Variants in SNTG1 observed in about 807,000 individuals in gnomAD.
The protein encoded by SNTG1 is gamma-1-syntrophin.
Under a neutral mutation model 74.7 loss-of-function variants are expected in SNTG1, and 39 were observed. The ratio of observed to expected loss-of-function variants is 0.52; its 90% confidence interval spans 0.40 to 0.68. The LOEUF is 0.68. SNTG1 is among the 30% of genes least tolerant of loss of function. The pLI is 0.00. For missense variants in SNTG1, 685 were observed against 609.5 expected (o/e 1.12, Z -1.30); for synonymous variants, 254 against 217.1 (o/e 1.17, Z -1.49).
intron 2 of SNTG1, among the ~76,000 whole-genome samples, chr8:50,259,513 AAAGAAAG>A (rs2087058943): frequency 2.0e-4 from 1 of 5,028 alleles, no homozygotes; most frequent in African/African-American, 2.3e-4. Flanking sequence ...AAAAAAAAAG[AAAGAAAG>A]AAAGAAAGAA....
chr8:50,251,876 T>C (rs2086661072), intron 2 of SNTG1, among the ~76,000 whole-genome samples: 1 of 152,104 alleles, frequency 6.6e-6, no homozygotes, highest in African/African-American at 2.4e-5. Context: ...AACACATATT[T>C]ACAGAACATT....
intron 1 of SNTG1, among the ~76,000 whole-genome samples, chr8:49,931,460 C>T (rs1225137709): frequency 6.6e-6 from 1 of 152,116 alleles, no homozygotes; most frequent in Non-Finnish European, 1.5e-5. Context: ...GGGTACAATG[C>T]TCACTATCTG....
chr8:50,450,781 T>G, intron 8 of SNTG1, 52 bp downstream of exon 8: 2 of 1,547,042 alleles, frequency 1.3e-6, no homozygotes, highest in Non-Finnish European at 1.8e-6. Flanking sequence ...CAAATAAGAA[T>G]TTAGTGCATT....
intron 1 of SNTG1, among the ~76,000 whole-genome samples, chr8:50,020,506 T>C (rs1585923796): frequency 6.6e-6 from 1 of 152,220 alleles, no homozygotes; most frequent in Admixed American, 6.6e-5. Flanking sequence ...AAAGTTTCAA[T>C]TGCATTCTCT....
At position 50,697,084 on chromosome 8, in the gene SNTG1, GT is replaced by G. The variant is rs529738536; in HGVS notation, c.1039-7512del. On this transcript the variant is annotated intron_variant, in intron 15 of 18. Coordinates refer to ENST00000642720, the MANE Select transcript of SNTG1 (RefSeq NM_018967.5). ...TTCTATTGATCCATAAGTATGAGCT[GT>G]TTTGTCATATGTTTGTGTCAACTAT... Among the ~76,000 whole-genome samples the G allele has an allele frequency of 4.6e-5, 7 of 152,074 alleles. No homozygotes were observed. The South Asian group carries it at 1.0e-3, about 23-fold the overall frequency.
At chr8:50,725,154 T>A (rs971051951) in intron 17 of SNTG1, among the ~76,000 whole-genome samples, 1 of 152,168 alleles carries the variant, frequency 6.6e-6, no homozygotes, top group African/African-American at 2.4e-5. Flanking sequence ...CTTCTCCATC[T>A]AAATATATTA....
At position 50,596,874 on chromosome 8, in the gene SNTG1, T is replaced by C. The variant is rs141526617; in HGVS notation, c.849+5957T>C. Reference sequence around the variant, plus strand: ...CTGTATAATGAGTCAATCAGAGTAATTGCCAAATCCATCACTTTAAACATT... The same window carrying C: ...CTGTATAATGAGTCAATCAGAGTAACTGCCAAATCCATCACTTTAAACATT... On this transcript the variant is annotated intron_variant, in intron 13 of 18. Coordinates refer to ENST00000642720, the MANE Select transcript of SNTG1 (RefSeq NM_018967.5). Among the ~76,000 whole-genome samples, 585 of 152,164 alleles carry C rather than the reference T, an allele frequency of 3.8e-3. 4 individuals carry two copies. Among genetic ancestry groups the C allele is most frequent in the African/African-American group, 0.013 (549 of 41,570 alleles).
chr8:50,373,850 C>G (rs2092321927), intron 2 of SNTG1, among the ~76,000 whole-genome samples: 1 of 152,168 alleles, frequency 6.6e-6, no homozygotes, highest in South Asian at 2.1e-4. Flanking sequence ...CATGCCTTAG[C>G]ATTGTTTGAT....
Position 50,309,102 on chromosome 8 carries a change from A to G in SNTG1, c.-27-85110A>G, listed in dbSNP as rs912819332. On this transcript the variant is annotated intron_variant, in intron 2 of 18. Transcript: ENST00000642720. ...AATAAAAAAAAAATTTTCTAAAGCT[A>G]TTTTACAACATTCATAGCCCTTTAC... is the stretch of plus-strand genomic sequence containing the variant. 3.1e-4 allele frequency among the ~76,000 whole-genome samples: 47 copies of G among 152,140 alleles called. 1 individual carries two copies. Among genetic ancestry groups the G allele is most frequent in the Admixed American group, 2.5e-3 (38 of 15,274 alleles).
intron 9 of SNTG1, among the ~76,000 whole-genome samples, chr8:50,504,504 A>T (rs1483484076): frequency 6.6e-6 from 1 of 152,182 alleles, no homozygotes; most frequent in Non-Finnish European, 1.5e-5. Flanking sequence ...TAAATTGCCG[A>T]ATTTAGGTGG....
intron 9 of SNTG1, among the ~76,000 whole-genome samples, chr8:50,525,340 A>G (rs2094211516): frequency 6.6e-6 from 1 of 152,154 alleles, no homozygotes; most frequent in South Asian, 2.1e-4. Flanking sequence ...TTTGATAATA[A>G]TGAGTTTCAG....
At chr8:50,440,375 T>A (rs932158391) in intron 5 of SNTG1, among the ~76,000 whole-genome samples, 2 of 152,088 alleles carry the variant, frequency 1.3e-5, no homozygotes, top group African/African-American at 4.8e-5. Context: ...TTTTAAACTA[T>A]CTTTTATTGT....
At chr8:50,592,954 G>T (rs943050813) in intron 13 of SNTG1, among the ~76,000 whole-genome samples, 4 of 152,064 alleles carry the variant, frequency 2.6e-5, no homozygotes, top group African/African-American at 9.7e-5. Flanking sequence ...AAAACTCACT[G>T]CACAGTATGA....
At chr8:49,915,808 C>T (rs764617698) in intron 1 of SNTG1, among the ~76,000 whole-genome samples, 3 of 152,108 alleles carry the variant, frequency 2.0e-5, no homozygotes, top group South Asian at 2.1e-4. Flanking sequence ...GGACAACATG[C>T]GGGCTGATCT....
intron 1 of SNTG1, among the ~76,000 whole-genome samples, chr8:49,998,049 G>A (rs939905451): frequency 1.3e-5 from 2 of 152,144 alleles, no homozygotes; most frequent in Non-Finnish European, 2.9e-5. Context: ...ATAGCCTATT[G>A]CTCTTAGGCT....
intron 2 of SNTG1, among the ~76,000 whole-genome samples, chr8:50,362,186 C>T (rs1286062355): frequency 1.3e-5 from 2 of 152,108 alleles, no homozygotes; most frequent in African/African-American, 4.8e-5. Flanking sequence ...TTATTGTCCC[C>T]TCATTGAGTT....
chr8:50,480,072 G>A (rs146164034), intron 8 of SNTG1, among the ~76,000 whole-genome samples: 437 of 152,218 alleles, frequency 2.9e-3, no homozygotes, highest in Non-Finnish European at 4.8e-3. Flanking sequence ...AGAATTACAT[G>A]TCAAACATCT....
chr8:50,513,701 A>G (rs2955605), intron 9 of SNTG1, among the ~76,000 whole-genome samples: 53,906 of 152,134 alleles, frequency 0.35, 11,597 homozygotes, highest in African/African-American at 0.61. Context: ...CGTGGGCATA[A>G]GACCCTCCAA....
intron 2 of SNTG1, among the ~76,000 whole-genome samples, chr8:50,262,337 A>C (rs1257712143): frequency 6.6e-6 from 1 of 152,240 alleles, no homozygotes; most frequent in African/African-American, 2.4e-5. Flanking sequence ...AATAATAATT[A>C]AAATTAGAAC....
Sources: allele counts gnomAD v4.1 joint callset (sites outside exome capture counted in the v4.1 genomes callset), GRCh38; gene constraint gnomAD v4.1.1; transcripts MANE v1.5; gene names NCBI Gene and HGNC (gene_info 2026-07-23, HGNC 2026-07-21).